The following RAB33B variants were observed in gnomAD, a reference collection of about 807,000 sequenced individuals.
RAB33B encodes the protein ras-related protein Rab-33B.
A neutral mutation model predicts 15.0 loss-of-function variants in RAB33B; 6 were observed. The ratio of observed to expected loss-of-function variants is 0.40; its 90% CI spans 0.22 to 0.79. The LOEUF (loss-of-function observed/expected upper bound fraction) is 0.79. Ranked by LOEUF, RAB33B falls within the 30% of genes least tolerant of loss-of-function variation. The pLI, the probability that RAB33B is intolerant of heterozygous loss-of-function variation, is 0.37. For synonymous variants in RAB33B, 117 were observed against 108.3 expected, an observed-to-expected ratio of 1.08 and a Z score of -0.50; for missense variants, 257 against 296.4, an observed-to-expected ratio of 0.87 and a Z score of 0.98.
the RAB33B span, among the ~76,000 whole-genome samples, chr4:139,439,680 C>T: frequency 2.6e-5 from 4 of 152,116 alleles, no homozygotes; most frequent in Non-Finnish European, 5.9e-5. Flanking sequence ...GTTGAGGTAT[C>T]GCACAGGTTC....
the RAB33B span, among the ~76,000 whole-genome samples, chr4:139,447,203 C>G: frequency 2.9e-4 from 44 of 152,308 alleles, no homozygotes; most frequent in African/African-American, 9.4e-4. Flanking sequence ...CCTGAAGCAG[C>G]TGGAATGATA....
chr4:139,465,731 T>TG (rs1200172995), intron 1 of RAB33B, among the ~76,000 whole-genome samples: 1 of 148,364 alleles, frequency 6.7e-6, no homozygotes, highest in Non-Finnish European at 1.5e-5. Flanking sequence ...TCTTTTTTTT[T>TG]TTTTTTTGTT....
At position 139,460,060 on chromosome 4, in the gene RAB33B, A is replaced by G. The variant is rs561039272; in HGVS notation, c.249+5616A>G. On this transcript the variant is annotated intron_variant, in intron 1 of 1. Transcript: ENST00000305626. ...TGATAAGGGAAAATAAAGGGGTGATAGAAGAGGTATTTTGAAGATAAAGCC... is the reference window on the plus strand; with the variant it reads ...TGATAAGGGAAAATAAAGGGGTGATGGAAGAGGTATTTTGAAGATAAAGCC... Among the ~76,000 whole-genome samples the G allele has an allele frequency of 7.9e-5, 12 of 152,326 alleles. No homozygotes were observed. In the South Asian group the frequency reaches 2.5e-3, roughly 32 times the overall value.
At chr4:139,461,198 G>T (rs1047460639) in intron 1 of RAB33B, among the ~76,000 whole-genome samples, 14 of 152,196 alleles carry the variant, frequency 9.2e-5, no homozygotes, top group African/African-American at 3.1e-4. Flanking sequence ...GAGTGTGGGG[G>T]TGCGAACCTC....
At chr4:139,442,519 C>T in the RAB33B span, among the ~76,000 whole-genome samples, 1 of 152,020 alleles carries the variant, frequency 6.6e-6, no homozygotes, top group African/African-American at 2.4e-5. Context: ...AAAGGCAGAC[C>T]CACCCTTAAT....
intron 1 of RAB33B, among the ~76,000 whole-genome samples, chr4:139,467,337 T>TTTAAA (rs1561006303): frequency 1.7e-5 from 2 of 117,506 alleles, no homozygotes; most frequent in Non-Finnish European, 3.6e-5. Flanking sequence ...TTTTTTTTTT[T>TTTAAA]AAGAGACAGG....
chr4:139,468,709 T>A (rs1164684189), intron 1 of RAB33B, among the ~76,000 whole-genome samples: 2 of 152,270 alleles, frequency 1.3e-5, no homozygotes, highest in African/African-American at 4.8e-5. Flanking sequence ...TTCTTTCTGA[T>A]TGAAGTGCTG....
chr4:139,471,971 G>T (rs964060834), intron 1 of RAB33B, among the ~76,000 whole-genome samples: 1 of 152,130 alleles, frequency 6.6e-6, no homozygotes, highest in African/African-American at 2.4e-5. Context: ...CTTTCCTGCT[G>T]TTGAATTTTC....
intron 1 of RAB33B, among the ~76,000 whole-genome samples, chr4:139,468,315 A>G (rs1038796951): frequency 4.6e-5 from 7 of 152,174 alleles, no homozygotes; most frequent in Admixed American, 2.0e-4. Context: ...TACCTCTCAC[A>G]GGGTCCCTCC....
chr4:139,465,992 G>C (rs1750277145), intron 1 of RAB33B, among the ~76,000 whole-genome samples: 1 of 151,934 alleles, frequency 6.6e-6, no homozygotes. Flanking sequence ...GTCTCACTGT[G>C]TTGCCCAAGC....
At chr4:139,444,445 A>C in the RAB33B span, among the ~76,000 whole-genome samples, 3 of 152,132 alleles carry the variant, frequency 2.0e-5, no homozygotes, top group Non-Finnish European at 4.4e-5. Flanking sequence ...AGGGGAGGCC[A>C]GTCCCCTTGA....
At chr4:139,441,953 TTATA>T in the RAB33B span, among the ~76,000 whole-genome samples, 1 of 152,222 alleles carries the variant, frequency 6.6e-6, no homozygotes, top group African/African-American at 2.4e-5. Flanking sequence ...TATTGTGACT[TTATA>T]TACTACTTTG....
At chr4:139,456,848 G>T (rs34290486) in intron 1 of RAB33B, among the ~76,000 whole-genome samples, 42,124 of 151,746 alleles carry the variant, frequency 0.28, 6,254 homozygotes, top group African/African-American at 0.37. Flanking sequence ...CCTTTTTTTC[G>T]AAAACTGAAA....
chr4:139,464,995 A>C (rs1404132184), intron 1 of RAB33B, among the ~76,000 whole-genome samples: 3 of 152,240 alleles, frequency 2.0e-5, no homozygotes, highest in Non-Finnish European at 4.4e-5. Context: ...AGTAGTTTAC[A>C]GTCCCACCAA....
Position 139,474,578 on chromosome 4 carries a change from C to T in RAB33B, c.*1452C>T, listed in dbSNP as rs1750463763. ...ATGTATTTCTGTAATAGTATTGTGTCATATCAATTTTTAAGATGTCTAAAT... is the reference window on the plus strand; with the variant it reads ...ATGTATTTCTGTAATAGTATTGTGTTATATCAATTTTTAAGATGTCTAAAT... On this transcript the variant is annotated 3_prime_UTR_variant, in exon 2 of 2. Coordinates refer to ENST00000305626, the MANE Select transcript of RAB33B (RefSeq NM_031296.3). 6.6e-6 allele frequency: 1 copy of T among 152,600 alleles called. No homozygotes were observed. Among genetic ancestry groups the T allele is most frequent in the Non-Finnish European group, 1.5e-5 (1 of 68,026 alleles). The allele number at this position is 152,600 out of a possible 1,614,324, so 9.5% of individuals were successfully genotyped here.
upstream of RAB33B, chr4:139,452,322 TAG>T (rs1275089615): frequency 2.0e-5 from 3 of 152,232 alleles, no homozygotes; most frequent in Non-Finnish European, 4.4e-5. Context: ...AAATGTGTGT[TAG>T]AGTTAGCATA....
At chr4:139,470,325 G>C (rs529470014) in intron 1 of RAB33B, among the ~76,000 whole-genome samples, 1 of 152,296 alleles carries the variant, frequency 6.6e-6, no homozygotes, top group South Asian at 2.1e-4. Context: ...CCCACTTGTA[G>C]CCATTGCCAC....
upstream of RAB33B, chr4:139,452,068 T>C (rs796570250): frequency 5.3e-5 from 8 of 152,352 alleles, no homozygotes; most frequent in African/African-American, 1.9e-4. Context: ...CTCATAACAA[T>C]GTCAAGTGCC....
chr4:139,453,985 G>T, upstream of RAB33B: 1 of 450,538 alleles, frequency 2.2e-6, no homozygotes, highest in Non-Finnish European at 3.7e-6. Context: ...GCGGGCAGGC[G>T]GCTCCGTGCG....
Sources: gnomAD v4.1 joint callset for allele counts (sites outside exome capture counted in the v4.1 genomes callset) on GRCh38, gnomAD v4.1.1 for gene constraint, MANE v1.5 for transcripts, NCBI Gene and HGNC (gene_info 2026-07-23, HGNC 2026-07-21) for gene names.